The following ERG variants were observed in gnomAD, a reference collection of about 807,000 sequenced individuals.
ERG encodes the protein transcriptional regulator ERG.
ERG carries 9 observed loss-of-function variants against 55.3 expected under a neutral mutation model. That is an observed-to-expected ratio of 0.16 (90% CI 0.10 to 0.28). The LOEUF (loss-of-function observed/expected upper bound fraction) is 0.28. Ranked by LOEUF, ERG falls within the 10% of genes least tolerant of loss-of-function variation. The pLI is 1.00. For missense variants in ERG, 434 were observed against 631.6 expected, an observed-to-expected ratio of 0.69 and a Z score of 3.35; for synonymous variants, 223 against 237.3, an observed-to-expected ratio of 0.94 and a Z score of 0.55.
chr21:38,372,653 G>A, the ERG span, among the ~76,000 whole-genome samples: 16 of 151,500 alleles, frequency 1.1e-4, no homozygotes, highest in African/African-American at 3.6e-4. Flanking sequence ...ATTACTTTAG[G>A]TCTGAGTAGG....
chr21:38,515,192 CA>C (rs2146734064), intron 2 of ERG, among the ~76,000 whole-genome samples: 1 of 151,990 alleles, frequency 6.6e-6, no homozygotes, highest in Admixed American at 6.5e-5. Flanking sequence ...AATATTTCAA[CA>C]AAGTTTTTGT....
intron 4 of ERG, 41 bp from the exon 5 acceptor site, chr21:38,402,678 AAAGAG>A (rs2146453736): frequency 8.5e-7 from 1 of 1,181,662 alleles, no homozygotes; most frequent in South Asian, 1.4e-5. Flanking sequence ...ATGAAAAAAA[AAAGAG>A]AGAGAGAGAA....
In ERG at chr21:38,392,415, C is replaced by A; in HGVS notation, c.775G>T (p.Ala259Ser). Reference sequence around the variant, plus strand: ...GTGGGGTGGCCGTGACCGGTCCAGGCTGATCTCCTGGGGGGCTCATATGGT... The same window carrying A: ...GTGGGGTGGCCGTGACCGGTCCAGGATGATCTCCTGGGGGGCTCATATGGT... ...DLPYEPPRRS[A>S]WTGHGHPTPQ... is the part of the protein sequence containing the mutation. Residue 259 changes from alanine (A) to serine (S), a missense_variant, in exon 7 of 10, where the codon GCC (alanine) becomes TCC (serine). Ala to Ser is a moderately conservative substitution (Grantham distance 99). Transcript: ENST00000288319. 1 of 1,564,904 alleles carries A rather than the reference C, an allele frequency of 6.4e-7. No homozygotes were observed. The highest frequency in any genetic ancestry group is 2.4e-5 in the East Asian group (1 of 42,174).
intron 1 of ERG, among the ~76,000 whole-genome samples, chr21:38,470,250 G>A (rs1476731438): frequency 9.3e-6 from 1 of 108,102 alleles, no homozygotes; most frequent in South Asian, 3.7e-4. Context: ...CACTCTATGA[G>A]TGTTTTCTAT....
chr21:38,462,370 CA>C (rs1437793699), intron 1 of ERG, among the ~76,000 whole-genome samples: 6 of 80,064 alleles, frequency 7.5e-5, no homozygotes, highest in Middle Eastern at 6.0e-3. Flanking sequence ...TGCATATACA[CA>C]ATTTTTTTTT....
At chr21:38,541,320 T>C (rs2059750735) in intron 2 of ERG, among the ~76,000 whole-genome samples, 2 of 152,176 alleles carry the variant, frequency 1.3e-5, no homozygotes, top group Admixed American at 6.5e-5. Flanking sequence ...TCCCCTCAAT[T>C]ATCTTGGTAA....
intron 1 of ERG, among the ~76,000 whole-genome samples, chr21:38,459,554 A>G (rs748659751): frequency 5.3e-5 from 8 of 152,190 alleles, no homozygotes; most frequent in Non-Finnish European, 1.0e-4. Flanking sequence ...ACATTTCTGT[A>G]CCTATGTAGC....
upstream of ERG, among the ~76,000 whole-genome samples, chr21:38,589,214 A>G (rs1030295151): frequency 2.4e-4 from 36 of 152,202 alleles, no homozygotes; most frequent in African/African-American, 6.5e-4. Context: ...TCCAAGAAGT[A>G]GCCTGGACCC....
chr21:38,527,551 G>GACC (rs1476010671), intron 2 of ERG, among the ~76,000 whole-genome samples: 1 of 152,182 alleles, frequency 6.6e-6, no homozygotes, highest in Non-Finnish European at 1.5e-5. Flanking sequence ...ACAGGGCTGT[G>GACC]ACCACCAGGA....
chr21:38,559,978 C>T (rs941349863), intron 2 of ERG, among the ~76,000 whole-genome samples: 1 of 152,166 alleles, frequency 6.6e-6, no homozygotes, highest in Admixed American at 6.5e-5. Context: ...ACACCACACC[C>T]GGCCTCATCT....
At chr21:38,645,924 G>A (rs1164583701) in intron 1 of ERG, among the ~76,000 whole-genome samples, 1 of 152,020 alleles carries the variant, frequency 6.6e-6, no homozygotes, top group Non-Finnish European at 1.5e-5. Context: ...GGAAGACGTC[G>A]ACCAGCACAA....
intron 1 of ERG, among the ~76,000 whole-genome samples, chr21:38,578,337 T>C (rs1236765322): frequency 6.6e-6 from 1 of 152,210 alleles, no homozygotes; most frequent in Non-Finnish European, 1.5e-5. Context: ...AAATAGCTTG[T>C]TTCACTGTCA....
intron 1 of ERG, among the ~76,000 whole-genome samples, chr21:38,593,267 A>G (rs2060112187): frequency 1.3e-5 from 2 of 152,234 alleles, no homozygotes; most frequent in Non-Finnish European, 2.9e-5. Flanking sequence ...GGATGACATC[A>G]AGAAAGTAAA....
At chr21:38,397,354 C>T (rs576869250) in intron 6 of ERG, among the ~76,000 whole-genome samples, 2 of 152,118 alleles carry the variant, frequency 1.3e-5, no homozygotes, top group East Asian at 3.9e-4. Context: ...AATCCCAGCA[C>T]TTTGGGAGGC....
chr21:38,546,433 G>A (rs575513779), intron 2 of ERG, among the ~76,000 whole-genome samples: 1 of 152,230 alleles, frequency 6.6e-6, no homozygotes, highest in East Asian at 1.9e-4. Flanking sequence ...ATGCTCATGT[G>A]ATACTATCAC....
chr21:38,421,916 A>T (rs1312541567), intron 3 of ERG, among the ~76,000 whole-genome samples: 2 of 152,156 alleles, frequency 1.3e-5, no homozygotes, highest in African/African-American at 2.4e-5. Context: ...GCAATGGCAC[A>T]ATTTTGGCTC....
intron 1 of ERG, among the ~76,000 whole-genome samples, chr21:38,597,701 C>A (rs892500982): frequency 6.6e-6 from 1 of 152,114 alleles, no homozygotes; most frequent in Non-Finnish European, 1.5e-5. Context: ...CATCTTCCAA[C>A]CATACTCCCA....
chr21:38,475,466 G>A (rs1336637390), intron 1 of ERG, among the ~76,000 whole-genome samples: 1 of 152,118 alleles, frequency 6.6e-6, no homozygotes, highest in African/African-American at 2.4e-5. Flanking sequence ...TCTTCTGACA[G>A]CCTCCTCTGT....
At chr21:38,520,378 A>G (rs2059585596) in intron 2 of ERG, among the ~76,000 whole-genome samples, 1 of 152,196 alleles carries the variant, frequency 6.6e-6, no homozygotes, top group Admixed American at 6.5e-5. Context: ...CAGCTCCTCA[A>G]ATATCCTTTT....
Sources: allele counts gnomAD v4.1 joint callset (sites outside exome capture counted in the v4.1 genomes callset), GRCh38; gene constraint gnomAD v4.1.1; transcripts MANE v1.5; gene names NCBI Gene and HGNC (gene_info 2026-07-23, HGNC 2026-07-21).